Variants in ASPRV1 observed in about 807,000 individuals in gnomAD.
ASPRV1 encodes the protein aspartic peptidase retroviral like 1.
Under a neutral mutation model 11.0 loss-of-function variants are expected in ASPRV1, and 7 were observed. The observed-to-expected ratio is 0.64, with a 90% confidence interval of 0.36 to 1.20. The LOEUF (loss-of-function observed/expected upper bound fraction) is 1.20, where lower values mean the gene tolerates loss of function less well. ASPRV1 is among the 50% of genes most tolerant of loss of function. The probability of loss-of-function intolerance (pLI) is 0.02; values close to 1 mark genes in which losing one functional copy is unlikely to be tolerated. For missense variants in ASPRV1, 299 were observed against 320.0 expected, an observed-to-expected ratio of 0.93 and a Z score of 0.50; for synonymous variants, 136 against 138.4, an observed-to-expected ratio of 0.98 and a Z score of 0.12.
At chr2:69,962,066 T>C (rs1678140202), upstream of ASPRV1, 1 of 198,578 alleles carries the variant, frequency 5.0e-6, no homozygotes, top group African/African-American at 2.3e-5. Context: ...TCCTACCACA[T>C]GCCAGGCACT....
chr2:69,974,162 ACTCTGT>A, the ASPRV1 span, among the ~76,000 whole-genome samples: 3 of 151,920 alleles, frequency 2.0e-5, no homozygotes, highest in Non-Finnish European at 4.4e-5. Context: ...ACAAGGAGAA[ACTCTGT>A]CTCTAATAAC....
At chr2:70,014,935 A>T in the ASPRV1 span, among the ~76,000 whole-genome samples, 1 of 152,188 alleles carries the variant, frequency 6.6e-6, no homozygotes. Flanking sequence ...CAACTCAACA[A>T]CAAAGGGCAA....
At chr2:70,057,743 T>G in the ASPRV1 span, among the ~76,000 whole-genome samples, 3 of 151,972 alleles carry the variant, frequency 2.0e-5, no homozygotes, top group Non-Finnish European at 2.9e-5. Context: ...CCTCCCAAAG[T>G]GCTGGGATTA....
chr2:70,019,401 C>T, the ASPRV1 span, among the ~76,000 whole-genome samples: 1 of 152,150 alleles, frequency 6.6e-6, no homozygotes, highest in Non-Finnish European at 1.5e-5. Flanking sequence ...TCCAGCAATA[C>T]CACTACTGGG....
chr2:70,010,019 T>C, the ASPRV1 span, among the ~76,000 whole-genome samples: 4 of 152,018 alleles, frequency 2.6e-5, no homozygotes, highest in African/African-American at 9.7e-5. Flanking sequence ...CCAGCAAAAC[T>C]GATAGCTACA....
the ASPRV1 span, chr2:69,937,405 C>T: frequency 1.3e-6 from 2 of 1,591,794 alleles, no homozygotes; most frequent in South Asian, 2.3e-5. Context: ...GTGAGCCTCT[C>T]TCACTCTCCT....
the ASPRV1 span, among the ~76,000 whole-genome samples, chr2:70,036,284 G>T: frequency 6.6e-6 from 1 of 152,036 alleles, no homozygotes; most frequent in Non-Finnish European, 1.5e-5. Flanking sequence ...GTAGGCTCTT[G>T]AGCAGATAGT....
the ASPRV1 span, among the ~76,000 whole-genome samples, chr2:70,083,946 G>A: frequency 1.3e-5 from 2 of 152,288 alleles, no homozygotes; most frequent in African/African-American, 2.4e-5. Flanking sequence ...AAGGTCCAAT[G>A]ACCTCTTTGC....
the ASPRV1 span, among the ~76,000 whole-genome samples, chr2:69,984,745 C>T: frequency 6.6e-6 from 1 of 151,222 alleles, no homozygotes; most frequent in South Asian, 2.1e-4. Context: ...CTCAGCCTAC[C>T]GAGTAGCTGG....
the ASPRV1 span, among the ~76,000 whole-genome samples, chr2:70,034,583 AAAG>A: frequency 1.3e-5 from 2 of 151,992 alleles, no homozygotes; most frequent in East Asian, 1.9e-4. Context: ...AAAAAAAAAA[AAAG>A]AAAGAAAATC....
chr2:70,085,590 T>G, the ASPRV1 span: 1 of 152,172 alleles, frequency 6.6e-6, no homozygotes, highest in African/African-American at 2.4e-5. Context: ...TGTGTGACCT[T>G]GAATTAAGCA....
the ASPRV1 span, chr2:70,046,002 C>T: frequency 5.9e-5 from 9 of 152,126 alleles, no homozygotes; most frequent in African/African-American, 2.2e-4. Flanking sequence ...TCACCTTTTC[C>T]CCTGCAAGCA....
the ASPRV1 span, among the ~76,000 whole-genome samples, chr2:70,044,006 C>T: frequency 1.3e-5 from 2 of 152,036 alleles, no homozygotes. Flanking sequence ...CTCTTCAAGG[C>T]CTTTATCTCA....
the ASPRV1 span, among the ~76,000 whole-genome samples, chr2:70,021,925 C>T: frequency 1.3e-5 from 2 of 151,196 alleles, no homozygotes; most frequent in African/African-American, 2.4e-5. Flanking sequence ...AAGATGGTCT[C>T]GATCTCTTGA....
chr2:69,933,217 A>AAAAAAAAC, the ASPRV1 span, among the ~76,000 whole-genome samples: 4 of 151,230 alleles, frequency 2.6e-5, no homozygotes, highest in African/African-American at 7.3e-5. Context: ...AAAAAAAAAA[A>AAAAAAAAC]AAAAAAACAA....
At chr2:70,027,427 T>C in the ASPRV1 span, among the ~76,000 whole-genome samples, 1 of 152,080 alleles carries the variant, frequency 6.6e-6, no homozygotes, top group Non-Finnish European at 1.5e-5. Flanking sequence ...AGGAAATCAG[T>C]ATATTAAAGA....
chr2:70,065,805 C>A, the ASPRV1 span, among the ~76,000 whole-genome samples: 1 of 95,370 alleles, frequency 1.0e-5, no homozygotes, highest in Non-Finnish European at 1.9e-5. Context: ...GGTGACAGAA[C>A]GAGGCTTTTG....
At chr2:69,959,958 C>T (rs997244258), downstream of ASPRV1, 2 of 152,134 alleles carry the variant, frequency 1.3e-5, no homozygotes, top group Non-Finnish European at 2.9e-5. Context: ...TTAGAAAATC[C>T]AAGACCTGTC....
the ASPRV1 span, among the ~76,000 whole-genome samples, chr2:69,968,157 C>T: frequency 1.3e-5 from 2 of 152,236 alleles, no homozygotes; most frequent in African/African-American, 4.8e-5. Context: ...CTGTACCTTT[C>T]ACTCAGTTTT....
Sources: allele counts gnomAD v4.1 joint callset (sites outside exome capture counted in the v4.1 genomes callset), GRCh38; gene constraint gnomAD v4.1.1; transcripts MANE v1.5; gene names NCBI Gene and HGNC (gene_info 2026-07-23, HGNC 2026-07-21).